The following MAOB variants were observed in gnomAD, a reference collection of about 807,000 sequenced individuals.
The protein encoded by MAOB is amine oxidase [flavin-containing] B.
In MAOB, 15 loss-of-function variants were observed where a neutral mutation model predicts 41.9. The observed-to-expected ratio is 0.36, with a 90% CI of 0.24 to 0.55. The LOEUF (loss-of-function observed/expected upper bound fraction) is 0.55, where lower values mean the gene tolerates loss of function less well. Among genes scored for constraint, MAOB ranks in the 20% least tolerant of loss-of-function variants. MAOB has a pLI of 0.86. For synonymous variants in MAOB, 167 were observed against 144.2 expected (o/e 1.16, Z -1.13); for missense variants, 345 against 398.7 (o/e 0.87, Z 1.15).
At chrX:43,793,672 A>C in intron 7 of MAOB, 94 bp from the exon 8 acceptor site, 1 of 745,511 alleles carries the variant, frequency 1.3e-6, no homozygotes, top group Non-Finnish European at 2.0e-6. Context: ...TATTCTTTTC[A>C]GTCTCTTAAA....
chrX:43,882,153 C>T, intron 1 of MAOB, 101 bp downstream of exon 1: 1 of 1,144,539 alleles, frequency 8.7e-7, no homozygotes, highest in East Asian at 3.3e-5. Context: ...TCTGGGGACT[C>T]CAGGGTCAGC....
chrX:43,805,503 TATAG>T (rs1304360318), intron 3 of MAOB, among the ~76,000 whole-genome samples: 1 of 111,615 alleles, frequency 9.0e-6, no homozygotes, highest in Non-Finnish European at 1.9e-5. Flanking sequence ...TTCTGTCACT[TATAG>T]ATTGTTTTTG....
intron 8 of MAOB, among the ~76,000 whole-genome samples, chrX:43,790,495 T>C (rs903781771): frequency 1.8e-5 from 2 of 112,072 alleles, no homozygotes; most frequent in African/African-American, 6.5e-5. Flanking sequence ...GTGTCTGGCA[T>C]ACAATAGGCG....
Position 43,793,552 on chromosome X carries a change from A to G in MAOB, c.795T>C (p.Pro265=), listed in dbSNP as rs1302919038. ...AGTGAATCTTCATGCCCAGAGTAGG[A>G]GGAATAGCACTAATCACATATTTAG... ...YEAKYVISAI[P]PTLGMKIHFN... The change falls in exon 8 of 15, where the codon CCT becomes CCC. Residue 265 remains proline, a synonymous_variant. Transcript: ENST00000378069. 8.3e-7 allele frequency: 1 copy of G among 1,201,806 alleles called. No homozygotes were observed. The highest frequency in any genetic ancestry group is 1.8e-5 in the African/African-American group (1 of 56,858).
chrX:43,831,377 T>C (rs988354661), intron 3 of MAOB, among the ~76,000 whole-genome samples: 1 of 110,321 alleles, frequency 9.1e-6, no homozygotes, highest in Admixed American at 9.7e-5. Context: ...TACTAAAAAG[T>C]ACAAAGAAGA....
rs1277411930 is a variant in MAOB, at chrX:43,810,094, T to A, written c.280-6690A>T. ...CCGTCTCTACTAAAAATACAAAAAA[T>A]TAGCCGGGCGTGGTGGCGGGCGCCT... On this transcript the variant is annotated intron_variant, in intron 3 of 14. Transcript: ENST00000378069. 3.0e-5 allele frequency among the ~76,000 whole-genome samples: 3 copies of A among 100,081 alleles called. No individual in the cohort carries two copies. The East Asian group carries it at 9.2e-4, about 31-fold the overall frequency. 86.9% of individuals were successfully genotyped at this position (100,081 alleles called of 115,157 possible). A position where few individuals can be genotyped will look rare whatever the true frequency, so the allele number is the denominator to read the frequency against.
chrX:43,843,902 G>A (rs760290158), intron 1 of MAOB, 138 bp from the exon 2 acceptor site: 17 of 1,012,385 alleles, frequency 1.7e-5, no homozygotes, highest in East Asian at 1.1e-4. Context: ...AAGTGGATAC[G>A]GTTTGTCAAT....
chrX:43,798,730 C>G (rs1238965474), intron 5 of MAOB, among the ~76,000 whole-genome samples: 1 of 111,697 alleles, frequency 9.0e-6, no homozygotes. Flanking sequence ...ATATCTGAGG[C>G]AGCATTTTCC....
chrX:43,873,242 C>T (rs2035418960), intron 1 of MAOB, among the ~76,000 whole-genome samples: 1 of 111,848 alleles, frequency 8.9e-6, no homozygotes, highest in Non-Finnish European at 1.9e-5. Context: ...TTAATACACA[C>T]ACACCACTGG....
intron 1 of MAOB, among the ~76,000 whole-genome samples, chrX:43,876,991 A>T (rs1021566834): frequency 8.9e-6 from 1 of 112,510 alleles, no homozygotes; most frequent in East Asian, 2.8e-4. Flanking sequence ...AACAATAATC[A>T]TCAATATCTA....
chrX:43,774,062 T>TCAA (rs1347601308), intron 12 of MAOB, among the ~76,000 whole-genome samples: 1 of 111,996 alleles, frequency 8.9e-6, no homozygotes, highest in Non-Finnish European at 1.9e-5. Context: ...TTATTACGTA[T>TCAA]CTTCTGATAA....
intron 8 of MAOB, 63 bp downstream of exon 8, chrX:43,793,356 A>G: frequency 1.1e-6 from 1 of 913,166 alleles, no homozygotes; most frequent in Non-Finnish European, 1.5e-6. Flanking sequence ...TAAAAAATGC[A>G]TGCCTTAGCA....
intron 1 of MAOB, among the ~76,000 whole-genome samples, chrX:43,859,740 T>C (rs2035319944): frequency 1.8e-5 from 2 of 112,154 alleles, no homozygotes. Flanking sequence ...ATCAATTTCT[T>C]CTTCTGTCCT....
intron 1 of MAOB, among the ~76,000 whole-genome samples, chrX:43,865,916 G>A (rs1415926814): frequency 9.1e-6 from 1 of 110,416 alleles, no homozygotes; most frequent in East Asian, 2.8e-4. Flanking sequence ...TAGGTCAGGG[G>A]TGGGAGGGAG....
rs1278965110 is a variant in MAOB, at chrX:43,795,774, C to A, written c.733G>T (p.Val245Phe). The stretch of plus-strand genomic sequence containing the variant: ...TCATGGTTTAGGGTCTCCACAAGGA[C>A]ATTTTCTCTTGTCTGGTCAATGTAG... Reference protein sequence around the residue: ...VIYIDQTRENVLVETLNHEMY... With the variant: ...VIYIDQTRENFLVETLNHEMY... The change falls in exon 7 of 15, where the codon GTC becomes TTC. Residue 245 changes from valine (V) to phenylalanine (F), a missense_variant. Transcript: ENST00000378069. The A allele has an allele frequency of 3.3e-6, 4 of 1,210,684 alleles. No homozygotes were observed. Among genetic ancestry groups the A allele is most frequent in the Admixed American group, 2.2e-5 (1 of 46,049 alleles).
At chrX:43,781,257 CTAGA>C (rs925439946) in intron 9 of MAOB, among the ~76,000 whole-genome samples, 187 bp downstream of exon 9, 33 of 111,539 alleles carry the variant, frequency 3.0e-4, no homozygotes, top group African/African-American at 1.0e-3. Context: ...TGCTTCCTAC[CTAGA>C]TATTTATTCA....
chrX:43,793,595 A>G lies in MAOB; in HGVS notation c.769-17T>C. On this transcript the variant is annotated splice_polypyrimidine_tract_variant and intron_variant, in intron 7 of 14. Coordinates refer to ENST00000378069, the MANE Select transcript of MAOB (RefSeq NM_000898.5). ...ATATTTAGCCTGAAAGAAAAGCAAC[A>G]TGGTTAAACATTGTTGCCGTGTTGC... The G allele has an allele frequency of 1.7e-6, 2 of 1,164,768 alleles. No individual in the cohort carries two copies. The highest frequency in any genetic ancestry group is 1.9e-5 in the South Asian group (1 of 52,050).
chrX:43,805,520 T>A (rs926380820), intron 3 of MAOB, among the ~76,000 whole-genome samples: 3 of 111,962 alleles, frequency 2.7e-5, no homozygotes, highest in Non-Finnish European at 5.6e-5. Flanking sequence ...TGTTTTTGCC[T>A]GTTTTCACAT....
At chrX:43,832,067 G>C (rs185357334) in intron 3 of MAOB, among the ~76,000 whole-genome samples, 3 of 111,759 alleles carry the variant, frequency 2.7e-5, no homozygotes, top group African/African-American at 6.5e-5. Context: ...CTGAATTCTT[G>C]ATTTATCACT....
Sources: allele counts gnomAD v4.1 joint callset (sites outside exome capture counted in the v4.1 genomes callset), GRCh38; gene constraint gnomAD v4.1.1; transcripts MANE v1.5; gene names NCBI Gene and HGNC (gene_info 2026-07-23, HGNC 2026-07-21).